Variants in GRID2 observed in about 807,000 individuals in gnomAD.
The protein encoded by GRID2 is glutamate ionotropic receptor delta type subunit 2, also known as glutamate receptor ionotropic, delta-2.
Under a neutral mutation model 114.8 loss-of-function variants are expected in GRID2, and 33 were observed. The observed-to-expected ratio is 0.29, with a 90% confidence interval of 0.22 to 0.38. GRID2 has a LOEUF of 0.38. Ranked by LOEUF, GRID2 falls within the 10% of genes least tolerant of loss-of-function variation. The probability of loss-of-function intolerance (pLI) is 1.00; values close to 1 mark genes in which losing one functional copy is unlikely to be tolerated. For synonymous variants in GRID2, 505 were observed against 449.9 expected, an observed-to-expected ratio of 1.12 and a Z score of -1.55; for missense variants, 1,184 against 1,257.7, an observed-to-expected ratio of 0.94 and a Z score of 0.89.
intron 1 of GRID2, among the ~76,000 whole-genome samples, chr4:92,579,572 C>T (rs1213567900): frequency 6.6e-6 from 1 of 151,796 alleles, no homozygotes; most frequent in Non-Finnish European, 1.5e-5. Context: ...TCTTGGAACC[C>T]AGAGAGTTTT....
chr4:93,264,939 T>C (rs546515663), intron 8 of GRID2, among the ~76,000 whole-genome samples: 5 of 151,682 alleles, frequency 3.3e-5, no homozygotes, highest in South Asian at 4.2e-4. Context: ...CCCGCCACCA[T>C]GCCTGGCTAA....
intron 2 of GRID2, among the ~76,000 whole-genome samples, chr4:92,736,838 GT>G (rs1352300037): frequency 6.6e-6 from 1 of 152,018 alleles, no homozygotes; most frequent in African/African-American, 2.4e-5. Flanking sequence ...ATATGGTAAA[GT>G]TTATAGAAGG....
intron 1 of GRID2, among the ~76,000 whole-genome samples, chr4:92,317,038 GTAAT>G (rs771050538): frequency 1.1e-4 from 16 of 152,138 alleles, no homozygotes; most frequent in African/African-American, 2.7e-4. Context: ...TGGTTATTTG[GTAAT>G]TAATTAAGCT....
intron 3 of GRID2, among the ~76,000 whole-genome samples, chr4:93,106,649 C>T (rs1732263957): frequency 6.6e-6 from 1 of 152,184 alleles, no homozygotes. Context: ...GACTCTTACA[C>T]ACAGCAGCTC....
chr4:92,808,158 G>A (rs901403044), intron 2 of GRID2, among the ~76,000 whole-genome samples: 13 of 151,876 alleles, frequency 8.6e-5, no homozygotes, highest in Admixed American at 7.9e-4. Context: ...TGAGGTATGC[G>A]GGTATCACTA....
intron 2 of GRID2, among the ~76,000 whole-genome samples, chr4:92,909,913 A>C (rs961381708): frequency 6.6e-6 from 1 of 152,178 alleles, no homozygotes; most frequent in Non-Finnish European, 1.5e-5. Context: ...AATTTCTTCT[A>C]AACACAGAAG....
chr4:92,863,660 A>G (rs1287051827), intron 2 of GRID2, among the ~76,000 whole-genome samples: 1 of 152,094 alleles, frequency 6.6e-6, no homozygotes, highest in African/African-American at 2.4e-5. Context: ...TTACTGTACT[A>G]TGAAAAATAT....
At chr4:92,911,425 C>A (rs1441230314) in intron 2 of GRID2, among the ~76,000 whole-genome samples, 2 of 151,932 alleles carry the variant, frequency 1.3e-5, no homozygotes, top group African/African-American at 2.4e-5. Flanking sequence ...AACAAAAACA[C>A]TTAAAGTGTG....
At chr4:92,772,390 C>A (rs1216251442) in intron 2 of GRID2, among the ~76,000 whole-genome samples, 2 of 151,940 alleles carry the variant, frequency 1.3e-5, no homozygotes, top group African/African-American at 2.4e-5. Context: ...TTTCCTGTGC[C>A]CTACTCTCTT....
chr4:93,372,475 T>C (rs1763022505), intron 8 of GRID2, among the ~76,000 whole-genome samples: 1 of 152,184 alleles, frequency 6.6e-6, no homozygotes, highest in Non-Finnish European at 1.5e-5. Flanking sequence ...AGATATTGTG[T>C]CCTGCTTTTG....
chr4:92,516,023 G>A (rs1724484983), intron 1 of GRID2, among the ~76,000 whole-genome samples: 1 of 151,832 alleles, frequency 6.6e-6, no homozygotes, highest in Admixed American at 6.6e-5. Flanking sequence ...GTTTTTGCTA[G>A]AAAATTATCG....
chr4:93,129,749 GT>G (rs1210842062), intron 4 of GRID2, among the ~76,000 whole-genome samples: 24 of 152,234 alleles, frequency 1.6e-4, no homozygotes, highest in African/African-American at 5.8e-4. Flanking sequence ...TCTCCATGAT[GT>G]TTGGCACTCA....
At position 93,090,552 on chromosome 4, in the gene GRID2, C is replaced by T. The variant is rs185341735; in HGVS notation, c.529+5273C>T. ...GGGAAAAAATTTATAATGGATGAAT[C>T]CCATAGTAGGATAAACTGCCCACAG... On this transcript the variant is annotated intron_variant, in intron 3 of 15. Transcript: ENST00000282020. 4.0e-3 allele frequency among the ~76,000 whole-genome samples: 605 copies of T among 152,206 alleles called. 7 individuals carry two copies. Among genetic ancestry groups the T allele is most frequent in the African/African-American group, 0.014 (586 of 41,532 alleles).
intron 4 of GRID2, among the ~76,000 whole-genome samples, chr4:93,201,550 G>A (rs1742107217): frequency 6.6e-6 from 1 of 152,208 alleles, no homozygotes; most frequent in Non-Finnish European, 1.5e-5. Context: ...GGTGCACAGA[G>A]CACTGGAACT....
intron 1 of GRID2, among the ~76,000 whole-genome samples, chr4:92,530,683 C>T (rs953835655): frequency 6.8e-6 from 1 of 148,070 alleles, no homozygotes; most frequent in Admixed American, 6.9e-5. Context: ...GGGCAGATCA[C>T]GAAGTCAGGA....
chr4:93,409,984 A>G (rs1274100552), intron 9 of GRID2, among the ~76,000 whole-genome samples: 3 of 152,208 alleles, frequency 2.0e-5, no homozygotes. Flanking sequence ...GATATAAAAA[A>G]CAGGTAGACT....
chr4:93,209,478 T>G (rs1743201917), intron 5 of GRID2, among the ~76,000 whole-genome samples: 1 of 152,182 alleles, frequency 6.6e-6, no homozygotes, highest in African/African-American at 2.4e-5. Context: ...GTGCCACATT[T>G]TCTTTATCCA....
intron 1 of GRID2, among the ~76,000 whole-genome samples, chr4:92,357,908 A>T (rs540286402): frequency 1.3e-5 from 2 of 152,088 alleles, no homozygotes; most frequent in East Asian, 3.9e-4. Flanking sequence ...AAATAGTTAT[A>T]AGACATATTT....
At chr4:92,325,148 T>A (rs2110133404) in intron 1 of GRID2, among the ~76,000 whole-genome samples, 1 of 152,060 alleles carries the variant, frequency 6.6e-6, no homozygotes, top group South Asian at 2.1e-4. Context: ...TGTTAATTCA[T>A]TGAACTAAAA....
Sources: gnomAD v4.1 joint callset for allele counts (sites outside exome capture counted in the v4.1 genomes callset) on GRCh38, gnomAD v4.1.1 for gene constraint, MANE v1.5 for transcripts, NCBI Gene and HGNC (gene_info 2026-07-23, HGNC 2026-07-21) for gene names.